Variants in KAZN observed in about 807,000 individuals in gnomAD.
The protein encoded by KAZN is kazrin, periplakin interacting protein.
Under a neutral mutation model 87.4 loss-of-function variants are expected in KAZN, and 40 were observed. That is an observed-to-expected ratio of 0.46 (90% CI 0.36 to 0.60). The LOEUF (loss-of-function observed/expected upper bound fraction) is 0.60. Among genes scored for constraint, KAZN ranks in the 20% least tolerant of loss-of-function variants. The pLI, the probability that KAZN is intolerant of heterozygous loss-of-function variation, is 0.00. For missense variants in KAZN, 898 were observed against 1,073.9 expected (o/e 0.84, Z 2.29); for synonymous variants, 466 against 458.3 (o/e 1.02, Z -0.22).
At chr1:14,777,131 G>A (rs936181809) in intron 1 of KAZN, among the ~76,000 whole-genome samples, 1 of 149,968 alleles carries the variant, frequency 6.7e-6, no homozygotes, top group African/African-American at 2.5e-5. Context: ...GGGACTACAG[G>A]CGCCCGCCAC....
chr1:14,455,980 C>G (rs536120803), intron 2 of KAZN, among the ~76,000 whole-genome samples: 25 of 152,238 alleles, frequency 1.6e-4, no homozygotes, highest in Admixed American at 8.5e-4. Context: ...CTCAACAGAC[C>G]AAAATTGCAG....
At chr1:14,270,016 C>A (rs890557350) in intron 2 of KAZN, among the ~76,000 whole-genome samples, 2 of 152,150 alleles carry the variant, frequency 1.3e-5, no homozygotes, top group African/African-American at 4.8e-5. Context: ...AGTGCCTGCA[C>A]CTGCTCCGGG....
rs147895544 is a variant in KAZN at position 14,482,792 on chromosome 1, G to A, written c.250-116191G>A. On this transcript the variant is annotated intron_variant, in intron 2 of 16. Transcript: ENST00000636203. ...GTGCGGGAGAGTGGGCTTTACCTAT[G>A]CACTAAGCACATGGTCCCCATGTGA... Among the ~76,000 whole-genome samples the A allele has an allele frequency of 3.4e-3, 519 of 152,212 alleles. 2 individuals carry two copies. Among genetic ancestry groups the A allele is most frequent in the African/African-American group, 0.012 (486 of 41,512 alleles).
intron 1 of KAZN, among the ~76,000 whole-genome samples, chr1:14,108,299 C>T (rs1644424091): frequency 6.6e-6 from 1 of 152,152 alleles, no homozygotes; most frequent in South Asian, 2.1e-4. Flanking sequence ...TTGTGGCTCT[C>T]TCACAGCCCG....
At chr1:14,484,381 G>A (rs1240803523) in intron 2 of KAZN, among the ~76,000 whole-genome samples, 1 of 152,180 alleles carries the variant, frequency 6.6e-6, no homozygotes, top group East Asian at 1.9e-4. Context: ...GTGAGGTAAT[G>A]TATATGTTAA....
intron 1 of KAZN, among the ~76,000 whole-genome samples, chr1:14,702,137 G>A (rs1286324217): frequency 6.6e-6 from 1 of 152,200 alleles, no homozygotes; most frequent in Non-Finnish European, 1.5e-5. Context: ...GGCAATGAGT[G>A]GGGCAGAGGG....
At chr1:14,414,119 T>C (rs1032464714) in intron 2 of KAZN, among the ~76,000 whole-genome samples, 2 of 152,068 alleles carry the variant, frequency 1.3e-5, no homozygotes, top group African/African-American at 4.8e-5. Flanking sequence ...AATGACAACA[T>C]CAAGAGTTGG....
intron 13 of KAZN, among the ~76,000 whole-genome samples, chr1:15,108,560 C>T (rs373602004): frequency 1.3e-5 from 2 of 152,240 alleles, no homozygotes; most frequent in East Asian, 1.9e-4. Context: ...GTGCCCAGCA[C>T]GTAGTGGGTG....
At chr1:13,975,633 A>G (rs554178743) in intron 1 of KAZN, among the ~76,000 whole-genome samples, 1 of 152,328 alleles carries the variant, frequency 6.6e-6, no homozygotes, top group South Asian at 2.1e-4. Flanking sequence ...TATTGATCAA[A>G]TGAGTGGATG....
At chr1:13,943,269 A>G (rs1641007286) in intron 1 of KAZN, among the ~76,000 whole-genome samples, 1 of 152,210 alleles carries the variant, frequency 6.6e-6, no homozygotes, top group Non-Finnish European at 1.5e-5. Flanking sequence ...GGACCTGATG[A>G]AAGCCAGAAG....
At chr1:14,231,005 T>C (rs2100540025) in intron 2 of KAZN, among the ~76,000 whole-genome samples, 1 of 152,302 alleles carries the variant, frequency 6.6e-6, no homozygotes, top group Non-Finnish European at 1.5e-5. Context: ...CTTCATGAGT[T>C]CCTTGCTGTG....
At chr1:14,494,044 G>T (rs189576094) in intron 2 of KAZN, among the ~76,000 whole-genome samples, 1 of 152,082 alleles carries the variant, frequency 6.6e-6, no homozygotes, top group East Asian at 1.9e-4. Context: ...TTTTCTTCTG[G>T]TTCCTAGAGT....
rs563336358 is a variant in KAZN, at chr1:14,836,826, A to G, written c.227-123858A>G. Among the ~76,000 whole-genome samples, 501 of 152,280 alleles carry G rather than the reference A, an allele frequency of 3.3e-3. 5 individuals are homozygous for G. The highest frequency in any genetic ancestry group is 4.8e-3 in the Non-Finnish European group (326 of 68,022). On this transcript the variant is annotated intron_variant, in intron 1 of 14. Transcript: ENST00000376030. Reference sequence around the variant, plus strand: ...ATATTTTAAAGACCTCCATCAATGAATTTGAAAGTTTTAAAATATAATACT... The same window carrying G: ...ATATTTTAAAGACCTCCATCAATGAGTTTGAAAGTTTTAAAATATAATACT...
At chr1:14,683,646 A>G (rs1486790319) in intron 1 of KAZN, among the ~76,000 whole-genome samples, 1 of 152,172 alleles carries the variant, frequency 6.6e-6, no homozygotes, top group Non-Finnish European at 1.5e-5. Context: ...CAGCTCTGTT[A>G]AAGCAGGGAC....
At chr1:14,557,878 A>G (rs1294374642) in intron 2 of KAZN, among the ~76,000 whole-genome samples, 1 of 151,904 alleles carries the variant, frequency 6.6e-6, no homozygotes, top group Non-Finnish European at 1.5e-5. Context: ...ACAGTTGGTG[A>G]CTGGTTGACT....
At chr1:14,047,920 C>G (rs1642148345) in intron 1 of KAZN, among the ~76,000 whole-genome samples, 1 of 150,982 alleles carries the variant, frequency 6.6e-6, no homozygotes, top group Non-Finnish European at 1.5e-5. Flanking sequence ...AAAGAAAGAA[C>G]AAAGGAGTTT....
intron 1 of KAZN, among the ~76,000 whole-genome samples, chr1:14,921,153 A>AACAC (rs55766387): frequency 0.16 from 23,315 of 144,322 alleles, 1,956 homozygotes; most frequent in Admixed American, 0.23. Flanking sequence ...CTGAGCATGC[A>AACAC]ACACACACAC....
chr1:14,873,619 CTT>C (rs1652426867), intron 1 of KAZN, among the ~76,000 whole-genome samples: 2 of 152,182 alleles, frequency 1.3e-5, no homozygotes, highest in East Asian at 1.9e-4. Context: ...TTTTGGAAGA[CTT>C]TGCTTTCCTC....
rs1159063014 is a variant in KAZN at position 13,927,268 on chromosome 1, C to T, written c.91+33512C>T. On this transcript the variant is annotated intron_variant, in intron 1 of 16. Transcript: ENST00000636203. The stretch of plus-strand genomic sequence containing the variant: ...TCCTAGTGCAGTTGGAGAAGAAAGA[C>T]ACTGAGGAACTAGAAGGTCACACAG... 2.0e-5 allele frequency among the ~76,000 whole-genome samples: 3 copies of T among 152,276 alleles called. No individual in the cohort carries two copies. In the East Asian group the frequency reaches 5.8e-4, roughly 29 times the overall value.
Sources: allele counts gnomAD v4.1 joint callset (sites outside exome capture counted in the v4.1 genomes callset), GRCh38; gene constraint gnomAD v4.1.1; transcripts MANE v1.5; gene names NCBI Gene and HGNC (gene_info 2026-07-23, HGNC 2026-07-21).